KCNT2: variants seen among roughly 807,000 people sequenced by gnomAD.
KCNT2 encodes the protein potassium channel subfamily T member 2.
Under a neutral mutation model 153.8 loss-of-function variants are expected in KCNT2, and 67 were observed. The ratio of observed to expected loss-of-function variants is 0.44; its 90% CI spans 0.36 to 0.53. The LOEUF is 0.53. Among genes scored for constraint, KCNT2 ranks in the 20% least tolerant of loss-of-function variants. The pLI, the probability that KCNT2 is intolerant of heterozygous loss-of-function variation, is 0.00. For synonymous variants in KCNT2, 500 were observed against 458.8 expected, an observed-to-expected ratio of 1.09 and a Z score of -1.15; for missense variants, 975 against 1,354.8, an observed-to-expected ratio of 0.72 and a Z score of 4.40.
chr1:196,486,196 A>G (rs1202377516), intron 3 of KCNT2, among the ~76,000 whole-genome samples: 1 of 151,940 alleles, frequency 6.6e-6, no homozygotes, highest in Non-Finnish European at 1.5e-5. Flanking sequence ...TGCTAAAAGT[A>G]TTTATTCTAG....
At chr1:196,475,530 C>A (rs978797234) in intron 5 of KCNT2, among the ~76,000 whole-genome samples, 2 of 151,708 alleles carry the variant, frequency 1.3e-5, no homozygotes, top group East Asian at 1.9e-4. Context: ...GTGAGGCGAG[C>A]GGATCTATAC....
intron 1 of KCNT2, among the ~76,000 whole-genome samples, 171 bp downstream of exon 1, chr1:196,608,044 T>C (rs1354882312): frequency 3.9e-5 from 6 of 152,060 alleles, no homozygotes; most frequent in South Asian, 2.1e-4. Flanking sequence ...GCAACAGTTA[T>C]ATAGAGTCAA....
At chr1:196,483,339 T>C (rs1305807067) in intron 3 of KCNT2, among the ~76,000 whole-genome samples, 1 of 152,166 alleles carries the variant, frequency 6.6e-6, no homozygotes, top group East Asian at 1.9e-4. Context: ...CACCTTATTC[T>C]AAGCCACCAT....
intron 26 of KCNT2, among the ~76,000 whole-genome samples, chr1:196,240,201 C>G (rs1302423146): frequency 6.6e-6 from 1 of 151,936 alleles, no homozygotes; most frequent in Non-Finnish European, 1.5e-5. Flanking sequence ...AACAAAGGCT[C>G]TGAATCCAGA....
At chr1:196,407,572 G>C (rs1334523213) in intron 12 of KCNT2, among the ~76,000 whole-genome samples, 1 of 151,364 alleles carries the variant, frequency 6.6e-6, no homozygotes, top group Non-Finnish European at 1.5e-5. Context: ...ACATAGTACA[G>C]ATTATTATGT....
At chr1:196,410,397 T>C (rs1672191648) in intron 12 of KCNT2, among the ~76,000 whole-genome samples, 1 of 151,162 alleles carries the variant, frequency 6.6e-6, no homozygotes, top group Admixed American at 6.6e-5. Context: ...AAGGGGAACA[T>C]CACACACTGG....
At chr1:196,532,645 G>A (rs1223189191) in intron 1 of KCNT2, among the ~76,000 whole-genome samples, 1 of 151,904 alleles carries the variant, frequency 6.6e-6, no homozygotes, top group East Asian at 1.9e-4. Flanking sequence ...GCAATCTCCA[G>A]TAATGTATCA....
intron 13 of KCNT2, among the ~76,000 whole-genome samples, chr1:196,380,832 T>A (rs1281839654): frequency 2.0e-5 from 3 of 152,240 alleles, no homozygotes; most frequent in African/African-American, 4.8e-5. Flanking sequence ...ATAGATAATG[T>A]CTTGCAATCA....
chr1:196,384,659 T>C (rs1669801752), intron 13 of KCNT2, among the ~76,000 whole-genome samples: 1 of 146,476 alleles, frequency 6.8e-6, no homozygotes, highest in Non-Finnish European at 1.5e-5. Flanking sequence ...GCTGAGATCT[T>C]GCCACACTCC....
intron 13 of KCNT2, among the ~76,000 whole-genome samples, chr1:196,374,366 G>C (rs1327603847): frequency 6.6e-6 from 1 of 151,538 alleles, no homozygotes; most frequent in Non-Finnish European, 1.5e-5. Context: ...GTTCTGCCCT[G>C]TTTTTATAAT....
intron 26 of KCNT2, among the ~76,000 whole-genome samples, chr1:196,247,191 T>A (rs2102282028): frequency 6.6e-6 from 1 of 152,082 alleles, no homozygotes; most frequent in South Asian, 2.1e-4. Flanking sequence ...GAGACAAAGG[T>A]CAATATATAA....
At position 196,396,454 on chromosome 1, in the gene KCNT2, A is replaced by G. The variant is rs148248626; in HGVS notation, c.1294+2109T>C. Among the ~76,000 whole-genome samples the G allele has an allele frequency of 2.8e-3, 423 of 151,712 alleles. 2 individuals are homozygous for G. The highest frequency in any genetic ancestry group is 9.8e-3 in the African/African-American group (406 of 41,478). ...TTTCTTGAGGGCCATTATTTAAAGA[A>G]TCTCTTACACAAACTAAGTGACAGC... On this transcript the variant is annotated intron_variant, in intron 13 of 27. Coordinates refer to ENST00000294725, the MANE Select transcript of KCNT2 (RefSeq NM_198503.5).
chr1:196,307,058 T>G (rs985865868), intron 21 of KCNT2, among the ~76,000 whole-genome samples: 11 of 152,154 alleles, frequency 7.2e-5, no homozygotes, highest in African/African-American at 2.2e-4. Flanking sequence ...ATAATTTCTT[T>G]TGCTGACTTT....
intron 13 of KCNT2, among the ~76,000 whole-genome samples, chr1:196,392,997 T>C (rs1572283584): frequency 6.6e-6 from 1 of 151,492 alleles, no homozygotes; most frequent in Admixed American, 6.6e-5. Context: ...AAGTACAAAG[T>C]ATTTCATTCA....
At position 196,428,086 on chromosome 1, in the gene KCNT2, T is replaced by C; in HGVS notation, c.984+19A>G. The C allele has an allele frequency of 6.2e-7, 1 of 1,601,672 alleles. No homozygotes were observed. Among genetic ancestry groups the C allele is most frequent in the Non-Finnish European group, 8.5e-7 (1 of 1,169,610 alleles). ...AGTAGGTATGATCCAGTATAGCACA[T>C]AATATAAGCCAAATGTACCTGGAGC... On this transcript the variant is annotated intron_variant, in intron 10 of 27. Transcript: ENST00000294725.
chr1:196,401,089 C>A (rs895967383), intron 12 of KCNT2, among the ~76,000 whole-genome samples: 1 of 151,758 alleles, frequency 6.6e-6, no homozygotes, highest in African/African-American at 2.4e-5. Flanking sequence ...ACATCTTTGG[C>A]TGACCTCTGA....
chr1:196,476,886 T>TTGTATTTGACA (rs1327272909), intron 5 of KCNT2, among the ~76,000 whole-genome samples: 1 of 152,158 alleles, frequency 6.6e-6, no homozygotes, highest in Non-Finnish European at 1.5e-5. Context: ...ATTTTGACAC[T>TTGTATTTGACA]CAATTGTATT....
At chr1:196,547,513 A>C (rs557220815) in intron 1 of KCNT2, among the ~76,000 whole-genome samples, 1 of 152,014 alleles carries the variant, frequency 6.6e-6, no homozygotes, top group Non-Finnish European at 1.5e-5. Flanking sequence ...AGAAACATTT[A>C]CTTCAAGTTC....
At chr1:196,560,022 GATTA>G (rs1336069059) in intron 1 of KCNT2, among the ~76,000 whole-genome samples, 6 of 151,652 alleles carry the variant, frequency 4.0e-5, no homozygotes, top group African/African-American at 9.7e-5. Flanking sequence ...CTAAATATTC[GATTA>G]ATTATTTTTC....
Sources: gnomAD v4.1 joint callset for allele counts (sites outside exome capture counted in the v4.1 genomes callset) on GRCh38, gnomAD v4.1.1 for gene constraint, MANE v1.5 for transcripts, NCBI Gene and HGNC (gene_info 2026-07-23, HGNC 2026-07-21) for gene names.